Variants in RANBP9 observed in about 807,000 individuals in gnomAD.
RANBP9 encodes the protein ran-binding protein 9.
A neutral mutation model predicts 84.3 loss-of-function variants in RANBP9; 15 were observed. That is an observed-to-expected ratio of 0.18 (90% CI 0.12 to 0.27). The LOEUF is 0.27. Ranked by LOEUF, RANBP9 falls within the 10% of genes least tolerant of loss-of-function variation. The pLI, the probability that RANBP9 is intolerant of heterozygous loss-of-function variation, is 1.00. For synonymous variants in RANBP9, 392 were observed against 349.6 expected (o/e 1.12, Z -1.35); for missense variants, 809 against 912.8 (o/e 0.89, Z 1.46).
chr6:13,657,332 G>GT, intron 3 of RANBP9, 56 bp from the exon 4 acceptor site: 1 of 1,413,602 alleles, frequency 7.1e-7, no homozygotes, highest in Non-Finnish European at 9.8e-7. Flanking sequence ...TCTGTACTAG[G>GT]TTTATTCACT....
In RANBP9 at chr6:13,653,387, T is replaced by C. The variant is rs1473247000; in HGVS notation, c.905-706A>G. On this transcript the variant is annotated intron_variant, in intron 4 of 13. Coordinates refer to ENST00000011619, the MANE Select transcript of RANBP9 (RefSeq NM_005493.3). ...AACTCAACGTGACAATTTAACGACC[T>C]CCTTTAAATATTCCAATATACAACT... 2.0e-5 allele frequency among the ~76,000 whole-genome samples: 3 copies of C among 152,268 alleles called. No individual in the cohort carries two copies. The East Asian group carries it at 5.8e-4, about 29-fold the overall frequency.
intron 6 of RANBP9, among the ~76,000 whole-genome samples, chr6:13,643,707 G>C (rs912834871): frequency 6.6e-6 from 1 of 152,166 alleles, no homozygotes; most frequent in Admixed American, 6.5e-5. Context: ...CATTAAAACA[G>C]TGTGGCCCCA....
chr6:13,642,331 A>G, intron 7 of RANBP9, 148 bp downstream of exon 7: 1 of 330,956 alleles, frequency 3.0e-6, no homozygotes, highest in Non-Finnish European at 5.3e-6. Context: ...ATCTTCAAAA[A>G]TGTCAGTGAA....
chr6:13,681,584 CAA>C (rs57354366), intron 2 of RANBP9, among the ~76,000 whole-genome samples: 2 of 143,786 alleles, frequency 1.4e-5, no homozygotes, highest in East Asian at 4.0e-4. Context: ...CTAAACCTCT[CAA>C]AAAAAAAAGA....
intron 1 of RANBP9, among the ~76,000 whole-genome samples, chr6:13,698,160 C>CA (rs1562322880): frequency 6.6e-6 from 1 of 151,908 alleles, no homozygotes; most frequent in East Asian, 1.9e-4. Context: ...ACTCCCCCCA[C>CA]AAAAAAATGG....
intron 2 of RANBP9, among the ~76,000 whole-genome samples, chr6:13,676,826 A>T (rs1468727287): frequency 2.0e-5 from 3 of 152,116 alleles, no homozygotes; most frequent in Non-Finnish European, 2.9e-5. Flanking sequence ...TTCTTGATAA[A>T]AACTCTCAGT....
At chr6:13,671,865 C>A (rs1165048451) in intron 2 of RANBP9, among the ~76,000 whole-genome samples, 1 of 152,034 alleles carries the variant, frequency 6.6e-6, no homozygotes, top group Non-Finnish European at 1.5e-5. Context: ...TCACTCCCAT[C>A]CTCACAAGAA....
chr6:13,695,643 G>A (rs1766428969), intron 2 of RANBP9, among the ~76,000 whole-genome samples: 1 of 152,030 alleles, frequency 6.6e-6, no homozygotes, highest in Non-Finnish European at 1.5e-5. Context: ...TGTAAAGTGA[G>A]AAATGGTGAC....
At chr6:13,655,078 A>T (rs1176219716) in intron 4 of RANBP9, among the ~76,000 whole-genome samples, 1 of 152,260 alleles carries the variant, frequency 6.6e-6, no homozygotes, top group Non-Finnish European at 1.5e-5. Context: ...GGCAAGTCTG[A>T]CTAAAGAACT....
At chr6:13,669,724 G>A (rs779717773) in intron 2 of RANBP9, among the ~76,000 whole-genome samples, 48 of 152,140 alleles carry the variant, frequency 3.2e-4, no homozygotes, top group Non-Finnish European at 2.9e-4. Context: ...GAGTAGCTGG[G>A]ACTACAGTTG....
At chr6:13,699,542 A>T (rs998963191) in intron 1 of RANBP9, among the ~76,000 whole-genome samples, 1 of 152,162 alleles carries the variant, frequency 6.6e-6, no homozygotes, top group African/African-American at 2.4e-5. Context: ...TAAATCCAAA[A>T]ATCCAAAATC....
At chr6:13,702,789 A>C (rs954478194) in intron 1 of RANBP9, among the ~76,000 whole-genome samples, 2 of 151,874 alleles carry the variant, frequency 1.3e-5, no homozygotes, top group African/African-American at 2.4e-5. Context: ...TCCTTCATCT[A>C]TATTTCTCAA....
chr6:13,626,976 C>T (rs1311541145), intron 12 of RANBP9, among the ~76,000 whole-genome samples: 5 of 152,128 alleles, frequency 3.3e-5, no homozygotes, highest in African/African-American at 1.2e-4. Flanking sequence ...AGTCTGAGAC[C>T]ACAAGGCATG....
At chr6:13,670,126 G>C (rs150044975) in intron 2 of RANBP9, among the ~76,000 whole-genome samples, 2,114 of 151,974 alleles carry the variant, frequency 0.014, 49 homozygotes, top group African/African-American at 0.048. Context: ...AAGCCCATCT[G>C]TACTAAAAAT....
chr6:13,645,113 A>G (rs981009737), intron 5 of RANBP9, among the ~76,000 whole-genome samples: 1 of 152,234 alleles, frequency 6.6e-6, no homozygotes, highest in African/African-American at 2.4e-5. Flanking sequence ...CACATTTTAT[A>G]TATGATACAT....
At chr6:13,698,901 G>C (rs1757903102) in intron 1 of RANBP9, among the ~76,000 whole-genome samples, 1 of 152,094 alleles carries the variant, frequency 6.6e-6, no homozygotes, top group Non-Finnish European at 1.5e-5. Context: ...GAAGGATTTA[G>C]TTACAATGAA....
At chr6:13,647,826 C>A (rs892795511) in intron 5 of RANBP9, among the ~76,000 whole-genome samples, 17 of 152,012 alleles carry the variant, frequency 1.1e-4, no homozygotes, top group Non-Finnish European at 1.5e-5. Context: ...AATTGTTATA[C>A]CATTTACTCA....
chr6:13,663,327 C>G (rs907732462), intron 2 of RANBP9, among the ~76,000 whole-genome samples: 2 of 151,878 alleles, frequency 1.3e-5, no homozygotes, highest in African/African-American at 4.8e-5. Flanking sequence ...ATGTTATTTT[C>G]AAGAGAAATA....
chr6:13,628,122 T>G (rs966426245), intron 12 of RANBP9, among the ~76,000 whole-genome samples: 3 of 152,218 alleles, frequency 2.0e-5, no homozygotes, highest in Admixed American at 2.0e-4. Flanking sequence ...AATAATCATC[T>G]AAAGTTGTTA....
Sources: allele counts gnomAD v4.1 joint callset (sites outside exome capture counted in the v4.1 genomes callset), GRCh38; gene constraint gnomAD v4.1.1; transcripts MANE v1.5; gene names NCBI Gene and HGNC (gene_info 2026-07-23, HGNC 2026-07-21).